Variants in LHFPL3 observed in about 807,000 individuals in gnomAD.
LHFPL3 encodes LHFPL tetraspan subfamily member 3.
A neutral mutation model predicts 19.3 loss-of-function variants in LHFPL3; 5 were observed. That is an observed-to-expected ratio of 0.26 (90% CI 0.14 to 0.54). The LOEUF (loss-of-function observed/expected upper bound fraction) is 0.54, where lower values mean the gene tolerates loss of function less well. LHFPL3 is among the 20% of genes least tolerant of loss of function. The pLI, the probability that LHFPL3 is intolerant of heterozygous loss-of-function variation, is 0.94. For missense variants in LHFPL3, 249 were observed against 307.4 expected (o/e 0.81, Z 1.42); for synonymous variants, 133 against 126.2 (o/e 1.05, Z -0.36).
At chr7:104,680,239 T>C (rs1189210766) in intron 1 of LHFPL3, among the ~76,000 whole-genome samples, 2 of 152,174 alleles carry the variant, frequency 1.3e-5, no homozygotes, top group African/African-American at 4.8e-5. Context: ...CCTCCCCTCC[T>C]CAGCAGGGAA....
At chr7:104,610,682 A>G (rs560111953) in intron 1 of LHFPL3, among the ~76,000 whole-genome samples, 36 of 152,314 alleles carry the variant, frequency 2.4e-4, no homozygotes, top group African/African-American at 7.9e-4. Flanking sequence ...TTCTATTCAG[A>G]TCTTCAATAG....
intron 1 of LHFPL3, among the ~76,000 whole-genome samples, chr7:104,443,834 GTAT>G (rs1441385267): frequency 6.6e-6 from 1 of 152,222 alleles, no homozygotes; most frequent in African/African-American, 2.4e-5. Flanking sequence ...CAGAATGGTT[GTAT>G]TATTTTTGAG....
At chr7:104,482,064 G>T (rs1235415621) in intron 1 of LHFPL3, among the ~76,000 whole-genome samples, 1 of 152,168 alleles carries the variant, frequency 6.6e-6, no homozygotes, top group Admixed American at 6.5e-5. Flanking sequence ...CCTCCCCTCA[G>T]AGGTGGCCTG....
At chr7:104,469,184 T>C (rs1204214985) in intron 1 of LHFPL3, among the ~76,000 whole-genome samples, 1 of 152,164 alleles carries the variant, frequency 6.6e-6, no homozygotes, top group East Asian at 1.9e-4. Context: ...CTGCTGCAGA[T>C]TATTATAAAG....
intron 1 of LHFPL3, among the ~76,000 whole-genome samples, chr7:104,647,654 AT>A (rs1451721051): frequency 1.3e-5 from 2 of 152,214 alleles, no homozygotes; most frequent in Non-Finnish European, 2.9e-5. Context: ...CTCGTGTTAA[AT>A]TCTTGGAATT....
At chr7:104,419,841 C>CA (rs1375776356) in intron 1 of LHFPL3, among the ~76,000 whole-genome samples, 1 of 152,142 alleles carries the variant, frequency 6.6e-6, no homozygotes, top group Non-Finnish European at 1.5e-5. Context: ...ACAGAGGTGG[C>CA]AGTGTTCTCT....
chr7:104,587,557 A>G (rs183134036), intron 1 of LHFPL3, among the ~76,000 whole-genome samples: 55 of 152,212 alleles, frequency 3.6e-4, no homozygotes, highest in African/African-American at 1.3e-3. Flanking sequence ...CTTTGCTATT[A>G]TGAATAGTGC....
intron 2 of LHFPL3, among the ~76,000 whole-genome samples, chr7:104,865,127 A>C (rs181600515): frequency 5.7e-4 from 87 of 152,302 alleles, no homozygotes; most frequent in Non-Finnish European, 1.3e-4. Flanking sequence ...GATGGGGAAA[A>C]AACAGCAGAA....
intron 1 of LHFPL3, among the ~76,000 whole-genome samples, chr7:104,422,851 G>T (rs1441990415): frequency 6.6e-6 from 1 of 152,210 alleles, no homozygotes. Context: ...GGAATTCAGA[G>T]ATGAATAAGA....
chr7:104,771,441 G>A (rs1225385807), intron 2 of LHFPL3, among the ~76,000 whole-genome samples: 1 of 152,064 alleles, frequency 6.6e-6, no homozygotes, highest in African/African-American at 2.4e-5. Flanking sequence ...TCAGGGCTCA[G>A]GGCTCTTTTT....
chr7:104,888,081 T>C lies in LHFPL3; in HGVS notation c.683-18106T>C, dbSNP rs150411605. ...TCACAGAGCCACTGTGTCTACTCTTTCCAAAATCAAGAACCTCACATACAT... is the reference window on the plus strand; with the variant it reads ...TCACAGAGCCACTGTGTCTACTCTTCCCAAAATCAAGAACCTCACATACAT... On this transcript the variant is annotated intron_variant, in intron 2 of 2. Coordinates refer to ENST00000424859, the MANE Select transcript of LHFPL3 (RefSeq NM_199000.3). 1.9e-3 allele frequency among the ~76,000 whole-genome samples: 289 copies of C among 152,286 alleles called. 2 individuals carry two copies. Among genetic ancestry groups the C allele is most frequent in the African/African-American group, 6.8e-3 (281 of 41,554 alleles).
intron 2 of LHFPL3, chr7:104,744,186 C>A (rs1793996895): frequency 6.6e-6 from 1 of 152,048 alleles, no homozygotes; most frequent in African/African-American, 2.4e-5. Context: ...CCACTCTGTA[C>A]AAGTAAAGAG....
At chr7:104,884,448 T>A (rs1327959406) in intron 2 of LHFPL3, among the ~76,000 whole-genome samples, 1 of 152,188 alleles carries the variant, frequency 6.6e-6, no homozygotes, top group Non-Finnish European at 1.5e-5. Flanking sequence ...CATCCGGACC[T>A]ACCAAGTTGG....
chr7:104,412,305 G>A (rs141126100), intron 1 of LHFPL3, among the ~76,000 whole-genome samples: 449 of 152,184 alleles, frequency 3.0e-3, no homozygotes, highest in African/African-American at 9.8e-3. Flanking sequence ...TCTGCCCATA[G>A]TCTTGCAGCC....
At position 104,429,508 on chromosome 7, in the gene LHFPL3, G is replaced by T. The variant is rs193056464; in HGVS notation, c.445+100284G>T. Among the ~76,000 whole-genome samples, 1,247 of 151,012 alleles carry T rather than the reference G, an allele frequency of 8.3e-3. 6 individuals carry two copies. The highest frequency in any genetic ancestry group is 0.027 in the Middle Eastern group (8 of 294). On this transcript the variant is annotated intron_variant, in intron 1 of 2. Transcript: ENST00000424859. ...TTGTTTTTTTTTTAGTAGAGATGGG[G>T]TTTTACCATGTTGGCCAGGCTGGTC...
At chr7:104,732,173 A>G (rs1485601727) in intron 1 of LHFPL3, among the ~76,000 whole-genome samples, 4 of 152,008 alleles carry the variant, frequency 2.6e-5, no homozygotes, top group Non-Finnish European at 5.9e-5. Context: ...AGGGATATTG[A>G]TCTAAAATTC....
At chr7:104,864,845 C>T (rs1791690269) in intron 2 of LHFPL3, among the ~76,000 whole-genome samples, 2 of 152,186 alleles carry the variant, frequency 1.3e-5, no homozygotes, top group Admixed American at 1.3e-4. Flanking sequence ...AGACTGACAC[C>T]TCACACGGCC....
At chr7:104,617,509 G>C (rs1791368878) in intron 1 of LHFPL3, among the ~76,000 whole-genome samples, 1 of 152,176 alleles carries the variant, frequency 6.6e-6, no homozygotes, top group Non-Finnish European at 1.5e-5. Flanking sequence ...GTTTTCGCTA[G>C]ATGACTTATA....
intron 2 of LHFPL3, among the ~76,000 whole-genome samples, chr7:104,790,717 T>G (rs964070922): frequency 1.1e-4 from 17 of 152,200 alleles, no homozygotes; most frequent in African/African-American, 4.1e-4. Flanking sequence ...TCTAGTGCAG[T>G]GAAATTCATA....
Sources: allele counts gnomAD v4.1 joint callset (sites outside exome capture counted in the v4.1 genomes callset), GRCh38; gene constraint gnomAD v4.1.1; transcripts MANE v1.5; gene names NCBI Gene and HGNC (gene_info 2026-07-23, HGNC 2026-07-21).